Variants in ARHGAP25 observed in about 807,000 individuals in gnomAD.
ARHGAP25 encodes Rho GTPase activating protein 25, also known as rho GTPase-activating protein 25.
In ARHGAP25, 34 loss-of-function variants were observed where a neutral mutation model predicts 71.0. The observed-to-expected ratio is 0.48, with a 90% CI of 0.36 to 0.64. The LOEUF is 0.64. Among genes scored for constraint, ARHGAP25 ranks in the 30% least tolerant of loss-of-function variants. The pLI is 0.00. For synonymous variants in ARHGAP25, 282 were observed against 296.5 expected, an observed-to-expected ratio of 0.95 and a Z score of 0.50; for missense variants, 706 against 805.1, an observed-to-expected ratio of 0.88 and a Z score of 1.49.
intron 2 of ARHGAP25, among the ~76,000 whole-genome samples, chr2:68,726,491 A>G (rs1230564649): frequency 5.3e-5 from 8 of 152,180 alleles, no homozygotes; most frequent in African/African-American, 1.9e-4. Context: ...TTCCCATATA[A>G]ATAGACATTT....
intron 1 of ARHGAP25, 105 bp downstream of exon 1, chr2:68,735,365 C>A: frequency 8.1e-7 from 1 of 1,235,342 alleles, no homozygotes; most frequent in Non-Finnish European, 1.2e-6. Flanking sequence ...ATGGATCTCG[C>A]AGCAAATCTG....
At chr2:68,774,990 A>T in intron 1 of ARHGAP25, 1 of 1,441,950 alleles carries the variant, frequency 6.9e-7, no homozygotes, top group Non-Finnish European at 9.1e-7. Context: ...GGGGCCACCG[A>T]CTGCAGCCTG....
At chr2:68,772,940 TA>T (rs1677581712) in intron 1 of ARHGAP25, among the ~76,000 whole-genome samples, 2 of 152,258 alleles carry the variant, frequency 1.3e-5, no homozygotes, top group East Asian at 3.8e-4. Flanking sequence ...CATCTGAGCA[TA>T]AGCACTCTTG....
Position 68,819,298 on chromosome 2 carries a change from G to A in ARHGAP25, c.1179G>A (p.Arg393=). 1.9e-6 allele frequency: 3 copies of A among 1,614,166 alleles called. No homozygotes were observed. The highest frequency in any genetic ancestry group is 1.7e-5 in the Admixed American group (1 of 60,024). The change falls in exon 9 of 11, where the codon AGG becomes AGA. Residue 393 remains arginine (R), a synonymous_variant. Coordinates refer to ENST00000409202, the MANE Select transcript of ARHGAP25 (RefSeq NM_001007231.3). ...WDATEDLRIS[R]TDSFSSMTSD... is the part of the protein sequence containing the mutation. ...CCACTGAAGACCTCCGAATTTCTAG[G>A]ACAGACAGCTTCAGTAGCATGGTAA... is the stretch of plus-strand genomic sequence containing the variant.
intron 1 of ARHGAP25, among the ~76,000 whole-genome samples, chr2:68,742,394 A>G (rs1675566227): frequency 6.6e-6 from 1 of 152,256 alleles, no homozygotes; most frequent in Admixed American, 6.5e-5. Flanking sequence ...GCTATCATAC[A>G]GTGGTTAAAA....
rs146540962 is a variant in ARHGAP25 at position 68,710,985 on chromosome 2, T to C, written c.-18+287T>C. ...CTTTTCTGCCTCCTTGGACTTCCAC[T>C]TCCTCCCTGGTTGTCTAGGTCATCC... On this transcript the variant is annotated intron_variant and NMD_transcript_variant, in intron 2 of 7. Transcript: ENST00000463483. Among the ~76,000 whole-genome samples the C allele has an allele frequency of 5.3e-5, 8 of 152,310 alleles. No homozygotes were observed. In the East Asian group the frequency reaches 1.3e-3, roughly 26 times the overall value.
intron 2 of ARHGAP25, 141 bp downstream of exon 2, chr2:68,775,561 C>T (rs1677826069): frequency 7.7e-7 from 1 of 1,297,198 alleles, no homozygotes; most frequent in Non-Finnish European, 1.1e-6. Context: ...TTTCCCTTTA[C>T]ACCATTTTCT....
intron 1 of ARHGAP25, among the ~76,000 whole-genome samples, chr2:68,765,365 A>C (rs1487871695): frequency 6.6e-6 from 1 of 151,848 alleles, no homozygotes; most frequent in African/African-American, 2.4e-5. Context: ...ACATGTAAAA[A>C]AAAAAAAACC....
rs1675127734 is a variant in ARHGAP25 at position 68,734,948 on chromosome 2, C to T, written c.-252C>T. On this transcript the variant is annotated 5_prime_UTR_variant, in exon 1 of 11. Coordinates refer to ENST00000409202, the MANE Select transcript of ARHGAP25 (RefSeq NM_001007231.3). The stretch of plus-strand genomic sequence containing the variant: ...AGCAAGAAAAGCAGGGTGCTAGCCC[C>T]TGTGGGACTGAGGGTGGAGGCTGGG... The T allele has an allele frequency of 1.7e-6, 1 of 577,940 alleles. No individual in the cohort carries two copies. Among genetic ancestry groups the T allele is most frequent in the South Asian group, 2.1e-5 (1 of 46,836 alleles). The allele number at this position is 577,940 out of a possible 1,614,324, so 35.8% of individuals were successfully genotyped here. A position where few individuals can be genotyped will look rare whatever the true frequency, so the allele number is the denominator to read the frequency against.
At chr2:68,825,882 T>A in intron 10 of ARHGAP25, 105 bp from the exon 11 acceptor site, 1 of 948,300 alleles carries the variant, frequency 1.1e-6, no homozygotes, top group Admixed American at 2.7e-5. Flanking sequence ...TGGATAAGGG[T>A]CTTGTGATTT....
intron 5 of ARHGAP25, among the ~76,000 whole-genome samples, 198 bp from the exon 6 acceptor site, chr2:68,813,089 T>G (rs1680949440): frequency 6.6e-6 from 1 of 152,222 alleles, no homozygotes; most frequent in South Asian, 2.1e-4. Context: ...CAGAGGAACA[T>G]TTATTCAAGA....
intron 4 of ARHGAP25, among the ~76,000 whole-genome samples, chr2:68,792,507 A>T (rs1019640691): frequency 1.3e-5 from 2 of 152,152 alleles, no homozygotes; most frequent in Non-Finnish European, 2.9e-5. Flanking sequence ...AGAACATGTG[A>T]TATCTTTCTG....
chr2:68,766,264 C>T (rs974300578), intron 1 of ARHGAP25, among the ~76,000 whole-genome samples: 4 of 152,222 alleles, frequency 2.6e-5, no homozygotes, highest in African/African-American at 9.6e-5. Context: ...CTTCCTTACA[C>T]TAACGCCTGG....
chr2:68,815,599 C>T (rs1681160683), intron 6 of ARHGAP25, among the ~76,000 whole-genome samples: 1 of 151,960 alleles, frequency 6.6e-6, no homozygotes, highest in Non-Finnish European at 1.5e-5. Flanking sequence ...TACAGCCGTC[C>T]GCCACCACGC....
chr2:68,818,805 A>G (rs1558662784), intron 8 of ARHGAP25, among the ~76,000 whole-genome samples: 1 of 152,244 alleles, frequency 6.6e-6, no homozygotes, highest in Non-Finnish European at 1.5e-5. Flanking sequence ...TGAGGACCAC[A>G]TCAGGAGAGA....
chr2:68,712,856 C>G (rs1674519202), intron 2 of ARHGAP25, among the ~76,000 whole-genome samples: 1 of 152,018 alleles, frequency 6.6e-6, no homozygotes, highest in South Asian at 2.1e-4. Context: ...CTGTTCTGTT[C>G]CATTCGTCTA....
At position 68,767,543 on chromosome 2, in the gene ARHGAP25, G is replaced by A. The variant is rs911769939; in HGVS notation, c.62-7678G>A. On this transcript the variant is annotated intron_variant, in intron 1 of 10. Transcript: ENST00000409202. The surrounding 1 kb of genome is among the most constrained non-coding windows in gnomAD (Gnocchi z 4.6). ...TGCTGTTTCAGAGAGCTCCCCAGTC[G>A]GCTCCTTCCTCAGCTGTGGTGTGGG... Among the ~76,000 whole-genome samples, 4 of 152,032 alleles carry A rather than the reference G, an allele frequency of 2.6e-5. No homozygotes were observed. Among genetic ancestry groups the A allele is most frequent in the South Asian group, 2.1e-4 (1 of 4,824 alleles).
At chr2:68,723,054 C>T (rs1674800650) in intron 2 of ARHGAP25, among the ~76,000 whole-genome samples, 1 of 152,144 alleles carries the variant, frequency 6.6e-6, no homozygotes, top group African/African-American at 2.4e-5. Context: ...CTTGAACCGG[C>T]CATTCCAGTG....
chr2:68,823,228 G>A (rs1681841837), intron 10 of ARHGAP25, among the ~76,000 whole-genome samples: 1 of 152,194 alleles, frequency 6.6e-6, no homozygotes, highest in Non-Finnish European at 1.5e-5. Context: ...CCCCTCCTCT[G>A]TGCCAGGCAC....
Sources: allele counts gnomAD v4.1 joint callset (sites outside exome capture counted in the v4.1 genomes callset), GRCh38; gene constraint gnomAD v4.1.1; non-coding constraint Gnocchi (gnomAD v3.1); transcripts MANE v1.5; gene names NCBI Gene and HGNC (gene_info 2026-07-23, HGNC 2026-07-21).